TLE4: variants seen among roughly 807,000 people sequenced by gnomAD.
TLE4 encodes the protein transducin-like enhancer protein 4.
A neutral mutation model predicts 92.8 loss-of-function variants in TLE4; 8 were observed. The ratio of observed to expected loss-of-function variants is 0.09; its 90% CI spans 0.05 to 0.16. The LOEUF (loss-of-function observed/expected upper bound fraction) is 0.16. Among genes scored for constraint, TLE4 ranks in the 10% least tolerant of loss-of-function variants. TLE4 has a pLI of 1.00. For synonymous variants in TLE4, 371 were observed against 374.1 expected, an observed-to-expected ratio of 0.99 and a Z score of 0.10; for missense variants, 675 against 997.6, an observed-to-expected ratio of 0.68 and a Z score of 4.36.
chr9:79,646,505 T>C (rs2058122729), intron 6 of TLE4, among the ~76,000 whole-genome samples: 1 of 152,232 alleles, frequency 6.6e-6, no homozygotes, highest in Non-Finnish European at 1.5e-5. Flanking sequence ...ATTAAGGCCA[T>C]TTATTTTAGC....
chr9:79,696,543 T>C (rs767936907), intron 8 of TLE4, among the ~76,000 whole-genome samples: 1 of 152,110 alleles, frequency 6.6e-6, no homozygotes, highest in Non-Finnish European at 1.5e-5. Flanking sequence ...AGACATTGTA[T>C]AGAGTATATT....
In TLE4 at chr9:79,634,804, T is replaced by C. The variant is rs78749018; in HGVS notation, c.390+7356T>C. Among the ~76,000 whole-genome samples, 1,276 of 152,294 alleles carry C rather than the reference T, an allele frequency of 8.4e-3. 10 individuals are homozygous for C. Among genetic ancestry groups the C allele is most frequent in the Non-Finnish European group, 0.011 (736 of 68,012 alleles). ...GCATAAGGCATTTGTGATTTGTCCA[T>C]GTGGTTGCTCATATCAGTAGTTAGT... On this transcript the variant is annotated intron_variant, in intron 6 of 19. Coordinates refer to ENST00000376552, the MANE Select transcript of TLE4 (RefSeq NM_007005.6).
intron 4 of TLE4, among the ~76,000 whole-genome samples, chr9:79,583,301 T>C (rs2040192522): frequency 6.6e-6 from 1 of 152,166 alleles, no homozygotes; most frequent in Non-Finnish European, 1.5e-5. Context: ...CTTAGCTGGT[T>C]CATCAAATAA....
intron 6 of TLE4, among the ~76,000 whole-genome samples, 160 bp from the exon 7 acceptor site, chr9:79,652,433 T>C (rs1027621793): frequency 7.2e-5 from 11 of 152,154 alleles, no homozygotes; most frequent in Admixed American, 7.2e-4. Flanking sequence ...GTGATCCGCC[T>C]GCCTCGGCCT....
chr9:79,722,486 G>T lies in TLE4; in HGVS notation c.2022G>T (p.Trp674Cys). ...TGGGCTACTGCCCAACTGGAGAGTGGCTTGCAGTGGGGATGGAGAACAGCA... is the reference window on the plus strand; with the variant it reads ...TGGGCTACTGCCCAACTGGAGAGTGTCTTGCAGTGGGGATGGAGAACAGCA... ...FSLGYCPTGE[W>C]LAVGMENSNV... Residue 674 changes from tryptophan (W) to cysteine (C), a missense_variant, in exon 18 of 20, where the codon TGG (tryptophan) becomes TGT (cysteine). Transcript: ENST00000376552. The T allele has an allele frequency of 6.2e-7, 1 of 1,614,234 alleles. No homozygotes were observed. Among genetic ancestry groups the T allele is most frequent in the Non-Finnish European group, 8.5e-7 (1 of 1,180,040 alleles).
intron 6 of TLE4, among the ~76,000 whole-genome samples, chr9:79,640,073 G>A (rs990462385): frequency 4.6e-5 from 7 of 152,056 alleles, no homozygotes; most frequent in African/African-American, 1.7e-4. Flanking sequence ...TATGGAAGAC[G>A]GCAGAGTGAG....
chr9:79,573,539 G>C (rs1257269633), intron 1 of TLE4, 150 bp from the exon 2 acceptor site: 16 of 820,018 alleles, frequency 2.0e-5, no homozygotes, highest in Non-Finnish European at 2.6e-5. Context: ...TGTTGGGCGC[G>C]AGGAGGGTTG....
At chr9:79,625,923 T>C (rs1166799765) in intron 5 of TLE4, among the ~76,000 whole-genome samples, 1 of 150,668 alleles carries the variant, frequency 6.6e-6, no homozygotes, top group Non-Finnish European at 1.5e-5. Context: ...ATTTTGGGAT[T>C]GCTTCTTAAG....
intron 4 of TLE4, among the ~76,000 whole-genome samples, chr9:79,592,871 A>G (rs1033360629): frequency 6.6e-6 from 1 of 152,194 alleles, no homozygotes; most frequent in African/African-American, 2.4e-5. Context: ...GGCTGAGTCA[A>G]TAATTGTCTT....
intron 5 of TLE4, among the ~76,000 whole-genome samples, chr9:79,614,133 T>G (rs2133115529): frequency 6.6e-6 from 1 of 152,244 alleles, no homozygotes; most frequent in East Asian, 1.9e-4. Flanking sequence ...CTAGTGTGTA[T>G]TTTTTACTTT....
chr9:79,652,349 G>T (rs2059156514), intron 6 of TLE4, among the ~76,000 whole-genome samples: 1 of 152,060 alleles, frequency 6.6e-6, no homozygotes, highest in Non-Finnish European at 1.5e-5. Context: ...ACCACACCCG[G>T]CTAATGTTTT....
intron 8 of TLE4, among the ~76,000 whole-genome samples, chr9:79,656,280 G>C (rs377139933): frequency 1.3e-5 from 2 of 152,160 alleles, no homozygotes; most frequent in Non-Finnish European, 2.9e-5. Flanking sequence ...ATTGTCTGCT[G>C]TGTGACTCTA....
At chr9:79,592,215 C>CTT (rs1564203737) in intron 4 of TLE4, among the ~76,000 whole-genome samples, 39 of 127,230 alleles carry the variant, frequency 3.1e-4, no homozygotes, top group Non-Finnish European at 4.7e-4. Flanking sequence ...TCTTCTTCTT[C>CTT]CTCTTCTTCT....
At chr9:79,572,996 C>G (rs1329441427) in intron 1 of TLE4, among the ~76,000 whole-genome samples, 161 bp downstream of exon 1, 1 of 152,132 alleles carries the variant, frequency 6.6e-6, no homozygotes, top group African/African-American at 2.4e-5. Context: ...CCCCCACCCC[C>G]CGGCGCGGTG....
At chr9:79,650,606 T>C (rs2058793530) in intron 6 of TLE4, among the ~76,000 whole-genome samples, 1 of 152,172 alleles carries the variant, frequency 6.6e-6, no homozygotes, top group African/African-American at 2.4e-5. Flanking sequence ...TGATCCCCAC[T>C]GAATAACAGT....
chr9:79,633,410 G>T (rs1020701967), intron 6 of TLE4, among the ~76,000 whole-genome samples: 3 of 152,118 alleles, frequency 2.0e-5, no homozygotes, highest in African/African-American at 7.2e-5. Context: ...TTGGAGCTGA[G>T]CCATCCTTTC....
At chr9:79,700,410 G>A (rs929795480) in intron 8 of TLE4, among the ~76,000 whole-genome samples, 3 of 152,166 alleles carry the variant, frequency 2.0e-5, no homozygotes, top group African/African-American at 7.2e-5. Context: ...TTGATCTTGA[G>A]GTGGCAGAGG....
At chr9:79,632,280 A>G (rs1269758064) in intron 6 of TLE4, among the ~76,000 whole-genome samples, 1 of 152,220 alleles carries the variant, frequency 6.6e-6, no homozygotes, top group African/African-American at 2.4e-5. Flanking sequence ...AGACACCTGT[A>G]AGATGCCTTC....
chr9:79,679,104 C>A (rs1312572236), intron 8 of TLE4, among the ~76,000 whole-genome samples: 2 of 151,870 alleles, frequency 1.3e-5, no homozygotes, highest in African/African-American at 4.8e-5. Flanking sequence ...GTCTTTATAG[C>A]AGCATGATGT....
Sources: allele counts gnomAD v4.1 joint callset (sites outside exome capture counted in the v4.1 genomes callset), GRCh38; gene constraint gnomAD v4.1.1; transcripts MANE v1.5; gene names NCBI Gene and HGNC (gene_info 2026-07-23, HGNC 2026-07-21).